The following SUFU variants were observed in gnomAD, a reference collection of about 807,000 sequenced individuals.
The protein encoded by SUFU is suppressor of fused homolog.
SUFU carries 7 observed loss-of-function variants against 58.9 expected under a neutral mutation model. The ratio of observed to expected loss-of-function variants is 0.12; its 90% CI spans 0.07 to 0.22. The LOEUF is 0.22. Among genes scored for constraint, SUFU ranks in the 10% least tolerant of loss-of-function variants. The probability of loss-of-function intolerance (pLI) is 1.00; values close to 1 mark genes in which losing one functional copy is unlikely to be tolerated. For missense variants in SUFU, 451 were observed against 641.3 expected, an observed-to-expected ratio of 0.70 and a Z score of 3.20; for synonymous variants, 232 against 254.8, an observed-to-expected ratio of 0.91 and a Z score of 0.85.
intron 8 of SUFU, among the ~76,000 whole-genome samples, chr10:102,607,702 T>C (rs2063576137): frequency 1.3e-5 from 2 of 152,040 alleles, no homozygotes; most frequent in East Asian, 3.9e-4. Flanking sequence ...TCACTTGAGG[T>C]CAGGAGTTGG....
chr10:102,594,740 CG>C (rs1162783939), intron 6 of SUFU, among the ~76,000 whole-genome samples: 1 of 152,074 alleles, frequency 6.6e-6, no homozygotes, highest in African/African-American at 2.4e-5. Context: ...TTTTTTGAGA[CG>C]GAGTTTCGCT....
At chr10:102,535,540 G>A (rs1049900074) in intron 2 of SUFU, among the ~76,000 whole-genome samples, 2 of 152,044 alleles carry the variant, frequency 1.3e-5, no homozygotes, top group African/African-American at 2.4e-5. Flanking sequence ...AAGAGCTTTT[G>A]TAGGGGAAGA....
intron 2 of SUFU, among the ~76,000 whole-genome samples, chr10:102,523,762 C>T (rs1337823148): frequency 6.6e-6 from 1 of 152,212 alleles, no homozygotes; most frequent in Non-Finnish European, 1.5e-5. Context: ...CGGAGTTAGA[C>T]CTTCTTTAGC....
At chr10:102,537,691 T>A (rs1343070968) in intron 2 of SUFU, among the ~76,000 whole-genome samples, 1 of 152,224 alleles carries the variant, frequency 6.6e-6, no homozygotes, top group Non-Finnish European at 1.5e-5. Flanking sequence ...TCACTTAGCA[T>A]AATGTCTTCA....
intron 3 of SUFU, among the ~76,000 whole-genome samples, chr10:102,558,408 G>A (rs745891951): frequency 3.9e-5 from 6 of 152,020 alleles, no homozygotes; most frequent in Non-Finnish European, 5.9e-5. Flanking sequence ...ACAGGGTCTC[G>A]CTGTTGCCCA....
At chr10:102,595,900 G>C (rs2063456632) in intron 6 of SUFU, among the ~76,000 whole-genome samples, 2 of 152,154 alleles carry the variant, frequency 1.3e-5, no homozygotes, top group Non-Finnish European at 2.9e-5. Flanking sequence ...AAATAGCCCA[G>C]ACAAGTTGAG....
chr10:102,557,382 T>C (rs1221954387), intron 3 of SUFU, among the ~76,000 whole-genome samples: 1 of 152,070 alleles, frequency 6.6e-6, no homozygotes, highest in Non-Finnish European at 1.5e-5. Context: ...GCCCAGGAGT[T>C]TGAGACCAGC....
chr10:102,538,610 CTGCTTACCACACGCA>C (rs980272707), intron 2 of SUFU, among the ~76,000 whole-genome samples: 12 of 152,276 alleles, frequency 7.9e-5, no homozygotes, highest in Admixed American at 5.2e-4. Flanking sequence ...CACACACCCT[CTGCTTACCACACGCA>C]TGCATGCACA....
At position 102,589,442 on chromosome 10, in the gene SUFU, CTTTTT is replaced by C. The variant is rs747625757; in HGVS notation, c.455-3123_455-3119del. Among the ~76,000 whole-genome samples, 16 of 65,364 alleles carry C rather than the reference CTTTTT, an allele frequency of 2.4e-4. 1 individual carries two copies. The highest frequency in any genetic ancestry group is 3.6e-4 in the Non-Finnish European group (14 of 38,704). The allele number at this position is 65,364 out of a possible 152,430, so 42.9% of individuals were successfully genotyped here. A position where few individuals can be genotyped will look rare whatever the true frequency, so the allele number is the denominator to read the frequency against. On this transcript the variant is annotated intron_variant, in intron 3 of 11. Transcript: ENST00000369902. The stretch of plus-strand genomic sequence containing the variant: ...CAATCTGGAAGTATTTTCTTTCTTT[CTTTTT>C]TTTTTTTTTTTTTTTTGAGACAGTG...
intron 11 of SUFU, among the ~76,000 whole-genome samples, chr10:102,627,865 T>G (rs2063800175): frequency 6.6e-6 from 1 of 152,136 alleles, no homozygotes; most frequent in Non-Finnish European, 1.5e-5. Context: ...CTTTGTTTTT[T>G]CTCCCTTGTT....
intron 3 of SUFU, among the ~76,000 whole-genome samples, chr10:102,566,205 A>G (rs2063087883): frequency 1.3e-5 from 2 of 152,262 alleles, no homozygotes; most frequent in Admixed American, 1.3e-4. Flanking sequence ...TAGTTGGGCC[A>G]TGTAGGACCA....
intron 8 of SUFU, among the ~76,000 whole-genome samples, chr10:102,607,199 C>T (rs1362546956): frequency 2.0e-5 from 3 of 151,968 alleles, no homozygotes; most frequent in African/African-American, 7.3e-5. Context: ...CAGGCACATG[C>T]CACCATGCCT....
intron 2 of SUFU, among the ~76,000 whole-genome samples, chr10:102,524,324 CTTTTCTTTTTTTTTT>C (rs1163322675): frequency 8.3e-6 from 1 of 119,892 alleles, no homozygotes; most frequent in Admixed American, 9.0e-5. Context: ...TTTTTCTTTT[CTTTTCTTTTTTTTTT>C]TTTTGAGATG....
intron 3 of SUFU, among the ~76,000 whole-genome samples, chr10:102,591,352 T>C (rs1386772436): frequency 6.6e-6 from 1 of 152,014 alleles, no homozygotes; most frequent in Admixed American, 6.6e-5. Flanking sequence ...TACAAAAAAT[T>C]AGCCAGGTGT....
intron 10 of SUFU, among the ~76,000 whole-genome samples, chr10:102,620,167 TG>T (rs1471299942): frequency 1.3e-5 from 2 of 152,204 alleles, no homozygotes; most frequent in Non-Finnish European, 2.9e-5. Flanking sequence ...ATGGAGGGGC[TG>T]GGATGACTTT....
intron 10 of SUFU, among the ~76,000 whole-genome samples, chr10:102,618,864 G>C (rs2063713014): frequency 6.6e-6 from 1 of 152,010 alleles, no homozygotes; most frequent in African/African-American, 2.4e-5. Context: ...GAGCTGCTGA[G>C]GAGGCTGGAG....
chr10:102,579,729 G>A lies in SUFU; in HGVS notation c.455-12853G>A, dbSNP rs563170833. The A allele has an allele frequency of 1.7e-5, 11 of 632,570 alleles. No individual in the cohort carries two copies. In the South Asian group the frequency reaches 5.6e-4, roughly 32 times the overall value. 39.2% of individuals were successfully genotyped at this position (632,570 alleles called of 1,614,324 possible). A position where few individuals can be genotyped will look rare whatever the true frequency, so the allele number is the denominator to read the frequency against. On this transcript the variant is annotated intron_variant, in intron 3 of 11. Transcript: ENST00000369902. ...AAGTGGGACTGCGTATTCATTTCCC[G>A]TCTCCATGTCTTGCAACCACATTTA...
chr10:102,519,553 C>T (rs1477068236), intron 2 of SUFU, among the ~76,000 whole-genome samples: 2 of 149,430 alleles, frequency 1.3e-5, no homozygotes, highest in Admixed American at 6.7e-5. Context: ...AAGTCTTCTG[C>T]AACCTTATCG....
At chr10:102,612,205 GTGTGCACGCGCA>G (rs1431891681) in intron 8 of SUFU, among the ~76,000 whole-genome samples, 6 of 117,478 alleles carry the variant, frequency 5.1e-5, no homozygotes, top group Non-Finnish European at 3.6e-5. Flanking sequence ...GTGTGTGTGT[GTGTGCACGCGCA>G]TGTGTGTGTG....
Sources: gnomAD v4.1 joint callset for allele counts (sites outside exome capture counted in the v4.1 genomes callset) on GRCh38, gnomAD v4.1.1 for gene constraint, MANE v1.5 for transcripts, NCBI Gene and HGNC (gene_info 2026-07-23, HGNC 2026-07-21) for gene names.